HIVEP3: variants seen among roughly 807,000 people sequenced by gnomAD.
HIVEP3 encodes the protein transcription factor HIVEP3.
In HIVEP3, 49 loss-of-function variants were observed where a neutral mutation model predicts 152.8. That is an observed-to-expected ratio of 0.32 (90% CI 0.26 to 0.41). The LOEUF (loss-of-function observed/expected upper bound fraction) is 0.41. Among genes scored for constraint, HIVEP3 ranks in the 10% least tolerant of loss-of-function variants. HIVEP3 has a pLI of 1.00. For synonymous variants in HIVEP3, 1,269 were observed against 1,289.0 expected (o/e 0.98, Z 0.33); for missense variants, 2,790 against 3,103.3 (o/e 0.90, Z 2.40).
In HIVEP3 at chr1:41,928,968, G is replaced by C. The variant is rs988684544; in HGVS notation, n.120-10444C>G. ...AGACCTCACATTATCCCTTGGTTAA[G>C]GTGGTATCTGCCAGGTTTCTCCAAT... On this transcript the variant is annotated intron_variant and non_coding_transcript_variant, in intron 1 of 3. Coordinates refer to the HIVEP3 transcript ENST00000489103. Among the ~76,000 whole-genome samples the C allele has an allele frequency of 1.1e-4, 16 of 152,264 alleles. No individual in the cohort carries two copies. The South Asian group carries it at 2.7e-3, about 26-fold the overall frequency.
intron 2 of HIVEP3, among the ~76,000 whole-genome samples, chr1:41,690,464 C>T (rs887627096): frequency 6.6e-6 from 1 of 152,224 alleles, no homozygotes; most frequent in Non-Finnish European, 1.5e-5. Context: ...ATGGGGAGCA[C>T]CCCGCTTCCA....
At chr1:41,888,673 C>A (rs1457992138) in intron 1 of HIVEP3, among the ~76,000 whole-genome samples, 1 of 150,832 alleles carries the variant, frequency 6.6e-6, no homozygotes, top group Non-Finnish European at 1.5e-5. Flanking sequence ...TATCACATAC[C>A]TCATGTACCC....
chr1:41,807,510 A>T (rs979575032), intron 1 of HIVEP3, among the ~76,000 whole-genome samples: 5 of 152,188 alleles, frequency 3.3e-5, no homozygotes, highest in African/African-American at 1.2e-4. Context: ...CAGGATCCCT[A>T]CAGAATCCTG....
At chr1:41,960,320 G>A (rs1352311670) in intron 1 of HIVEP3, among the ~76,000 whole-genome samples, 1 of 152,196 alleles carries the variant, frequency 6.6e-6, no homozygotes, top group Non-Finnish European at 1.5e-5. Context: ...TCCTGCAGAA[G>A]TTATCAGAAG....
At position 41,604,755 on chromosome 1, in the gene HIVEP3, T is replaced by C. The variant is rs186185804; in HGVS notation, c.-521-19437A>G. Among the ~76,000 whole-genome samples the C allele has an allele frequency of 2.6e-4, 39 of 152,300 alleles. No homozygotes were observed. In the East Asian group the frequency reaches 5.2e-3, roughly 20 times the overall value. On this transcript the variant is annotated intron_variant, in intron 3 of 8. Transcript: ENST00000372583. The stretch of plus-strand genomic sequence containing the variant: ...TACTAGCAGCCTAAGACATACTATA[T>C]GATTCCACTTAATTAAAGTTAAAGG...
chr1:41,893,392 AG>A (rs1347296983), intron 1 of HIVEP3, among the ~76,000 whole-genome samples: 2 of 152,170 alleles, frequency 1.3e-5, no homozygotes, highest in Non-Finnish European at 2.9e-5. Flanking sequence ...GGGGCAGTTT[AG>A]CCCCCCTAGG....
chr1:41,545,351 C>A (rs1396721944), intron 5 of HIVEP3, among the ~76,000 whole-genome samples: 1 of 83,640 alleles, frequency 1.2e-5, no homozygotes, highest in Non-Finnish European at 2.4e-5. Context: ...CCACCACCAT[C>A]ATCGCCACCA....
rs2149103603 is a variant in HIVEP3 at position 41,580,027 on chromosome 1, T to G, written c.4771A>C (p.Lys1591Gln). 4 of 1,614,206 alleles carry G rather than the reference T, an allele frequency of 2.5e-6. No homozygotes were observed. The East Asian group carries it at 8.9e-5, about 36-fold the overall frequency. Residue 1591 changes from lysine to glutamine, a missense_variant, in exon 4 of 9, where the codon AAG becomes CAG. This residue lies in a region of HIVEP3 where 1,078 missense variants were observed against 1,165.3 expected (regional missense o/e 0.93). Transcript: ENST00000372583. ...AKSQEGTDSK[K>Q]VLQFPSLHTT... ...TGGAGGCTGGGGAACTGCAGTACCT[T>G]CTTTGAGTCCGTACCTTCTTGTGAC...
intron 1 of HIVEP3, among the ~76,000 whole-genome samples, chr1:41,871,420 A>C (rs372228114): frequency 5.0e-5 from 7 of 140,454 alleles, no homozygotes; most frequent in Non-Finnish European, 1.1e-4. Flanking sequence ...AAAAAAAAAA[A>C]CCCCTGCATA....
intron 1 of HIVEP3, among the ~76,000 whole-genome samples, chr1:41,861,451 C>CCCAAGAGGG: frequency 6.6e-6 from 1 of 152,324 alleles, no homozygotes; most frequent in East Asian, 1.9e-4. Context: ...CTGCTAGAGG[C>CCCAAGAGGG]CCAAGAGGGC....
chr1:41,546,128 G>C (rs1379283521), intron 5 of HIVEP3, among the ~76,000 whole-genome samples: 2 of 152,226 alleles, frequency 1.3e-5, no homozygotes, highest in Non-Finnish European at 2.9e-5. Context: ...CTGCAGATGG[G>C]GTGGAGGGTG....
At chr1:41,831,074 T>A (rs1388814577) in intron 1 of HIVEP3, among the ~76,000 whole-genome samples, 2 of 152,220 alleles carry the variant, frequency 1.3e-5, no homozygotes, top group Non-Finnish European at 2.9e-5. Flanking sequence ...TTATTGTTTT[T>A]TCTCACTCTC....
At chr1:41,771,645 C>T (rs1306319406) in intron 1 of HIVEP3, among the ~76,000 whole-genome samples, 1 of 152,048 alleles carries the variant, frequency 6.6e-6, no homozygotes, top group African/African-American at 2.4e-5. Context: ...ACTGACAGTA[C>T]TCTCGGGGCT....
intron 1 of HIVEP3, among the ~76,000 whole-genome samples, chr1:41,765,717 C>G (rs1465246581): frequency 1.3e-5 from 2 of 152,218 alleles, no homozygotes; most frequent in African/African-American, 4.8e-5. Context: ...CCTTCCCAAT[C>G]CCCTGGTACA....
intron 3 of HIVEP3, among the ~76,000 whole-genome samples, chr1:41,600,775 T>C (rs1433357503): frequency 6.6e-6 from 1 of 152,212 alleles, no homozygotes; most frequent in African/African-American, 2.4e-5. Context: ...TAAGAATATG[T>C]CATGAAGTTT....
rs765347931 is a variant in HIVEP3 at position 41,582,056 on chromosome 1, G to C, written c.2742C>G (p.Ala914=). 1.2e-6 allele frequency: 2 copies of C among 1,614,152 alleles called. No individual in the cohort carries two copies. Among genetic ancestry groups the C allele is most frequent in the South Asian group, 2.2e-5 (2 of 91,064 alleles). ...CGAAGCTGGACTCCCCTGATGATTG[G>C]GCCATCTCTGCCAGGCGCAACCTCT... ...KKKRLRLAEM[A]QSSGESSFES... is the part of the protein sequence containing the mutation. Residue 914 remains alanine (A), a synonymous_variant, in exon 4 of 9, where the codon GCC becomes GCG. Transcript: ENST00000372583. This position sits in a 1 kb window ranked among gnomAD's most constrained non-coding sequence, Gnocchi z 4.7.
At chr1:41,575,472 G>T in intron 5 of HIVEP3, 72 bp downstream of exon 5, 1 of 1,540,150 alleles carries the variant, frequency 6.5e-7, no homozygotes, top group Non-Finnish European at 8.9e-7. Flanking sequence ...AGCCACTGCT[G>T]CCCGTGAACA....
At chr1:41,710,165 T>C (rs1646491573) in intron 1 of HIVEP3, among the ~76,000 whole-genome samples, 1 of 152,172 alleles carries the variant, frequency 6.6e-6, no homozygotes, top group Non-Finnish European at 1.5e-5. Context: ...CACTTCCTCC[T>C]GCCACATTTC....
At chr1:41,930,387 T>G (rs750570614) in intron 1 of HIVEP3, among the ~76,000 whole-genome samples, 20 of 152,212 alleles carry the variant, frequency 1.3e-4, no homozygotes, top group Non-Finnish European at 2.4e-4. Flanking sequence ...ATGAACTTTT[T>G]GGGTCTGGAT....
Sources: allele counts gnomAD v4.1 joint callset (sites outside exome capture counted in the v4.1 genomes callset), GRCh38; gene constraint gnomAD v4.1.1; regional missense constraint gnomAD v4.1.1; non-coding constraint Gnocchi (gnomAD v3.1); transcripts MANE v1.5; gene names NCBI Gene and HGNC (gene_info 2026-07-23, HGNC 2026-07-21).